The following DPP6 variants were observed in gnomAD, a reference collection of about 807,000 sequenced individuals.
DPP6 encodes the protein A-type potassium channel modulatory protein DPP6.
Under a neutral mutation model 122.6 loss-of-function variants are expected in DPP6, and 69 were observed. That is an observed-to-expected ratio of 0.56 (90% CI 0.46 to 0.69). The LOEUF is 0.69. DPP6 is among the 30% of genes least tolerant of loss of function. The pLI is 0.00. For synonymous variants in DPP6, 418 were observed against 433.1 expected, an observed-to-expected ratio of 0.97 and a Z score of 0.43; for missense variants, 928 against 1,116.9, an observed-to-expected ratio of 0.83 and a Z score of 2.41.
At chr7:154,806,252 A>G (rs934244603) in intron 15 of DPP6, among the ~76,000 whole-genome samples, 68 of 152,346 alleles carry the variant, frequency 4.5e-4, no homozygotes, top group African/African-American at 1.4e-3. Context: ...AACAGACTTC[A>G]TATTGAAACC....
chr7:153,805,804 A>G, the DPP6 span, among the ~76,000 whole-genome samples: 2 of 152,018 alleles, frequency 1.3e-5, no homozygotes, highest in South Asian at 4.2e-4. Flanking sequence ...TTGAACAATG[A>G]GAACACTTGG....
chr7:153,803,699 A>G, the DPP6 span, among the ~76,000 whole-genome samples: 5 of 151,356 alleles, frequency 3.3e-5, no homozygotes, highest in Admixed American at 3.3e-4. Context: ...TTATATATGT[A>G]AAGATATAGA....
chr7:154,882,141 C>T (rs906543967), intron 21 of DPP6, among the ~76,000 whole-genome samples: 1 of 152,154 alleles, frequency 6.6e-6, no homozygotes, highest in Admixed American at 6.5e-5. Context: ...CCACTCAGGG[C>T]CTTTCATAGT....
At chr7:154,558,702 G>A (rs1403068265) in intron 4 of DPP6, among the ~76,000 whole-genome samples, 1 of 152,226 alleles carries the variant, frequency 6.6e-6, no homozygotes, top group African/African-American at 2.4e-5. Flanking sequence ...TAGGTGTGGA[G>A]TAGGCTGTAC....
At chr7:153,835,042 C>A in the DPP6 span, among the ~76,000 whole-genome samples, 6 of 152,160 alleles carry the variant, frequency 3.9e-5, no homozygotes, top group Non-Finnish European at 5.9e-5. Context: ...CATGTAGGTG[C>A]CCCCTCATTC....
chr7:154,408,353 T>TC (rs1305432549), intron 1 of DPP6, among the ~76,000 whole-genome samples: 1 of 152,206 alleles, frequency 6.6e-6, no homozygotes, highest in Admixed American at 6.5e-5. Flanking sequence ...TTATGTTGCT[T>TC]CATTAAATTC....
At chr7:154,012,702 T>C (rs951710156) in intron 1 of DPP6, among the ~76,000 whole-genome samples, 1 of 152,190 alleles carries the variant, frequency 6.6e-6, no homozygotes, top group Non-Finnish European at 1.5e-5. Flanking sequence ...CAATGGCTGT[T>C]GTAAAGTTTT....
intron 5 of DPP6, among the ~76,000 whole-genome samples, chr7:154,615,619 A>G (rs1035043491): frequency 2.0e-5 from 3 of 152,170 alleles, no homozygotes; most frequent in Non-Finnish European, 4.4e-5. Flanking sequence ...AAACTTTTTC[A>G]TCACCCGCAA....
At chr7:154,714,659 A>G (rs1172422126) in intron 7 of DPP6, among the ~76,000 whole-genome samples, 2 of 152,196 alleles carry the variant, frequency 1.3e-5, no homozygotes, top group Non-Finnish European at 2.9e-5. Context: ...GGTCCCTCCC[A>G]AGACACATGA....
chr7:153,884,242 T>A (rs1203702179), upstream of DPP6, among the ~76,000 whole-genome samples: 2 of 152,198 alleles, frequency 1.3e-5, no homozygotes, highest in African/African-American at 2.4e-5. Flanking sequence ...TTCCCACCTA[T>A]GAGTGAAAAC....
chr7:154,314,386 G>T (rs1807246522), intron 1 of DPP6, among the ~76,000 whole-genome samples: 1 of 152,140 alleles, frequency 6.6e-6, no homozygotes, highest in South Asian at 2.1e-4. Context: ...TCAGCATTTG[G>T]TCAGAGCTCA....
chr7:154,666,326 C>T (rs1481813133), intron 6 of DPP6, among the ~76,000 whole-genome samples: 5 of 148,130 alleles, frequency 3.4e-5, no homozygotes, highest in African/African-American at 1.3e-4. Context: ...ACACCTGCAC[C>T]CTACTTCATT....
chr7:154,790,841 G>A (rs1418903670), intron 10 of DPP6, among the ~76,000 whole-genome samples: 2 of 142,548 alleles, frequency 1.4e-5, no homozygotes, highest in Non-Finnish European at 3.1e-5. Context: ...GGAAAGGAAG[G>A]AGGGAGGGAG....
intron 3 of DPP6, among the ~76,000 whole-genome samples, chr7:154,539,633 C>CA (rs1341511442): frequency 7.2e-6 from 1 of 139,582 alleles, no homozygotes; most frequent in Non-Finnish European, 1.6e-5. Flanking sequence ...AAGTATAATA[C>CA]AAAAAAGAAA....
At chr7:153,764,774 T>C in the DPP6 span, among the ~76,000 whole-genome samples, 2 of 151,290 alleles carry the variant, frequency 1.3e-5, no homozygotes, top group African/African-American at 2.4e-5. Flanking sequence ...GATTCCCCCA[T>C]GTAGTTCACT....
At chr7:153,801,981 G>A in the DPP6 span, among the ~76,000 whole-genome samples, 2 of 152,090 alleles carry the variant, frequency 1.3e-5, no homozygotes, top group African/African-American at 4.8e-5. Flanking sequence ...CAAACAGAGG[G>A]GAAAATTCAC....
chr7:154,233,017 T>C (rs1357135432), intron 1 of DPP6, among the ~76,000 whole-genome samples: 2 of 152,254 alleles, frequency 1.3e-5, no homozygotes, highest in Non-Finnish European at 2.9e-5. Flanking sequence ...TCATTGCCAG[T>C]TGCTGTGTTT....
the DPP6 span, among the ~76,000 whole-genome samples, chr7:153,861,010 TC>T: frequency 6.6e-6 from 1 of 152,140 alleles, no homozygotes; most frequent in Non-Finnish European, 1.5e-5. Flanking sequence ...TTATTACCCT[TC>T]CCCATATCAG....
At chr7:154,243,164 T>TA (rs1386608326) in intron 1 of DPP6, among the ~76,000 whole-genome samples, 11 of 152,160 alleles carry the variant, frequency 7.2e-5, no homozygotes, top group Admixed American at 4.6e-4. Flanking sequence ...ACTTCTAATT[T>TA]AAAAAGAGAT....
Sources: allele counts gnomAD v4.1 joint callset (sites outside exome capture counted in the v4.1 genomes callset), GRCh38; gene constraint gnomAD v4.1.1; transcripts MANE v1.5; gene names NCBI Gene and HGNC (gene_info 2026-07-23, HGNC 2026-07-21).